PCDHGB7: variants seen among roughly 807,000 people sequenced by gnomAD.
PCDHGB7 encodes the protein protocadherin gamma subfamily B, 7.
Under a neutral mutation model 61.4 loss-of-function variants are expected in PCDHGB7, and 37 were observed. The ratio of observed to expected loss-of-function variants is 0.60; its 90% CI spans 0.46 to 0.79. The LOEUF (loss-of-function observed/expected upper bound fraction) is 0.79. PCDHGB7 is among the 30% of genes least tolerant of loss of function. PCDHGB7 has a pLI of 0.00. For synonymous variants in PCDHGB7, 464 were observed against 503.5 expected (o/e 0.92, Z 1.05); for missense variants, 1,166 against 1,202.5 (o/e 0.97, Z 0.45).
chr5:141,468,351 A>T (rs1030472813), intron 1 of PCDHGB7: 1 of 149,190 alleles, frequency 6.7e-6, no homozygotes, highest in East Asian at 2.0e-4. Flanking sequence ...AAAAAAAAAG[A>T]AAGAAAAAAG....
intron 1 of PCDHGB7, chr5:141,428,187 C>T: frequency 1.4e-6 from 2 of 1,439,502 alleles, no homozygotes; most frequent in Non-Finnish European, 1.9e-6. Context: ...GGACAGCCGC[C>T]GCTCTCTGCG....
chr5:141,485,314 T>G lies in PCDHGB7; in HGVS notation c.2416-9493T>G. Reference sequence around the variant, plus strand: ...CACAGGAAGGGACTTTTGTAGGGAATGTCGCTCAAGATTTCCTGCTGGATA... The same window carrying G: ...CACAGGAAGGGACTTTTGTAGGGAAGGTCGCTCAAGATTTCCTGCTGGATA... On this transcript the variant is annotated intron_variant, in intron 1 of 3. Coordinates refer to ENST00000398594, the MANE Select transcript of PCDHGB7 (RefSeq NM_018927.4). This position sits in a 1 kb window ranked among gnomAD's most constrained non-coding sequence, Gnocchi z 5.7. 1 of 1,614,150 alleles carries G rather than the reference T, an allele frequency of 6.2e-7. No individual in the cohort carries two copies. The highest frequency in any genetic ancestry group is 8.5e-7 in the Non-Finnish European group (1 of 1,180,032).
At chr5:141,480,935 C>G (rs1297213622) in intron 1 of PCDHGB7, among the ~76,000 whole-genome samples, 1 of 152,092 alleles carries the variant, frequency 6.6e-6, no homozygotes, top group Non-Finnish European at 1.5e-5. Flanking sequence ...GTCCCAGCTA[C>G]TCTAGAGGCT....
intron 2 of PCDHGB7, among the ~76,000 whole-genome samples, chr5:141,500,125 T>C (rs1367341826): frequency 2.0e-5 from 3 of 151,970 alleles, no homozygotes; most frequent in African/African-American, 4.8e-5. Flanking sequence ...CCTTTTCATA[T>C]ATATCTTTCT....
intron 1 of PCDHGB7, among the ~76,000 whole-genome samples, chr5:141,466,387 A>G (rs1312030857): frequency 1.3e-5 from 2 of 152,108 alleles, no homozygotes; most frequent in Non-Finnish European, 2.9e-5. Flanking sequence ...CATCTAATGG[A>G]AAGTTTGCTC....
rs2099706000 is a variant in PCDHGB7 at position 141,490,911 on chromosome 5, G to A, written c.2416-3896G>A. 1 of 1,613,722 alleles carries A rather than the reference G, an allele frequency of 6.2e-7. No individual in the cohort carries two copies. Among genetic ancestry groups the A allele is most frequent in the Non-Finnish European group, 8.5e-7 (1 of 1,179,746 alleles). Reference sequence around the variant, plus strand: ...CTCTGCATGTGTTTGTCCTAGACGAGAATGATAATGCCCCAGCTGTGCTGC... The same window carrying A: ...CTCTGCATGTGTTTGTCCTAGACGAAAATGATAATGCCCCAGCTGTGCTGC... On this transcript the variant is annotated intron_variant, in intron 1 of 3. Coordinates refer to ENST00000398594, the MANE Select transcript of PCDHGB7 (RefSeq NM_018927.4). This position sits in a 1 kb window ranked among gnomAD's most constrained non-coding sequence, Gnocchi z 5.4.
At chr5:141,441,890 T>C (rs967557692) in intron 1 of PCDHGB7, 18 of 348,170 alleles carry the variant, frequency 5.2e-5, no homozygotes, top group Non-Finnish European at 7.2e-5. Flanking sequence ...GTCACCAAGG[T>C]GGTGGCTGTA....
In PCDHGB7 at chr5:141,476,218, C is replaced by G. The variant is rs1562052166; in HGVS notation, c.2416-18589C>G. On this transcript the variant is annotated intron_variant, in intron 1 of 3. Transcript: ENST00000398594. The surrounding 1 kb of genome is among the most constrained non-coding windows in gnomAD (Gnocchi z 7.6). ...TGAACAAGGCTTCCACGGTCATTCA[C>G]TATGAGATCCCGGAGGAAAGAGAGA... is the stretch of plus-strand genomic sequence containing the variant. 1 of 1,613,984 alleles carries G rather than the reference C, an allele frequency of 6.2e-7. No homozygotes were observed.
At chr5:141,480,398 G>C (rs2099518275) in intron 1 of PCDHGB7, among the ~76,000 whole-genome samples, 1 of 149,050 alleles carries the variant, frequency 6.7e-6, no homozygotes, top group Non-Finnish European at 1.5e-5. Context: ...CATGGCAATA[G>C]AGTGAGACCC....
At chr5:141,488,273 C>A (rs1411817846) in intron 1 of PCDHGB7, among the ~76,000 whole-genome samples, 6 of 152,256 alleles carry the variant, frequency 3.9e-5, no homozygotes, top group East Asian at 1.9e-4. Flanking sequence ...TTGGTCATCA[C>A]CTTTGGAAAA....
In PCDHGB7 at chr5:141,420,222, TG is replaced by T; in HGVS notation, c.2365del (p.Ala789LeufsTer4). On this transcript the variant is annotated frameshift_variant, in exon 1 of 4. Transcript: ENST00000398594. LOFTEE classifies it high-confidence loss of function. ...AACCTCAACAAAGATAGCATGCTAC[TG>T]GCTAGCATTTTAACTCCCAGCGTTG... The part of the protein sequence containing the change: ...QDNLNKDSML[L>X]ASILTPSVEA... 1 of 1,604,490 alleles carries T rather than the reference TG, an allele frequency of 6.2e-7. No homozygotes were observed. The highest frequency in any genetic ancestry group is 2.2e-5 in the East Asian group (1 of 44,792).
intron 1 of PCDHGB7, chr5:141,423,343 C>T: frequency 6.2e-7 from 1 of 1,614,208 alleles, no homozygotes; most frequent in South Asian, 1.1e-5. Flanking sequence ...CTGCATCTTC[C>T]TGGTCTTTGT....
In PCDHGB7 at chr5:141,432,808, C is replaced by G. The variant is rs1473886709; in HGVS notation, c.2415+12534C>G. ...TCGGCAGCCTCGAGTCTCCAGCTAA[C>G]TCTGAAACCTCAGACCTCACTCTGT... is the stretch of plus-strand genomic sequence containing the variant. On this transcript the variant is annotated intron_variant, in intron 1 of 3. Coordinates refer to ENST00000398594, the MANE Select transcript of PCDHGB7 (RefSeq NM_018927.4). This position sits in a 1 kb window ranked among gnomAD's most constrained non-coding sequence, Gnocchi z 6.0. 2 of 1,613,486 alleles carry G rather than the reference C, an allele frequency of 1.2e-6. No individual in the cohort carries two copies. Among genetic ancestry groups the G allele is most frequent in the Non-Finnish European group, 1.7e-6 (2 of 1,180,008 alleles).
intron 1 of PCDHGB7, among the ~76,000 whole-genome samples, chr5:141,470,537 A>G (rs189730495): frequency 1.3e-5 from 2 of 152,256 alleles, no homozygotes; most frequent in Non-Finnish European, 2.9e-5. Context: ...TGTATCAGGT[A>G]ATATTTATTG....
intron 1 of PCDHGB7, among the ~76,000 whole-genome samples, chr5:141,430,366 A>G (rs551419486): frequency 3.3e-5 from 5 of 150,370 alleles, no homozygotes; most frequent in Admixed American, 6.7e-5. Context: ...CTCATTGGGG[A>G]AAAAAAAGCT....
At chr5:141,435,644 T>A (rs913195454) in intron 1 of PCDHGB7, among the ~76,000 whole-genome samples, 1 of 152,170 alleles carries the variant, frequency 6.6e-6, no homozygotes, top group Non-Finnish European at 1.5e-5. Flanking sequence ...TGGGAAAATT[T>A]CTGAAACGTG....
Position 141,511,502 on chromosome 5 carries a change from A to C in PCDHGB7, c.*329A>C. The C allele has an allele frequency of 2.0e-5, 8 of 395,260 alleles. No individual in the cohort carries two copies. The highest frequency in any genetic ancestry group is 4.1e-5 in the African/African-American group (2 of 48,892). The allele number at this position is 395,260 out of a possible 1,614,324, so 24.5% of individuals were successfully genotyped here. A position where few individuals can be genotyped will look rare whatever the true frequency, so the allele number is the denominator to read the frequency against. ...CTGAACTCCTCCATCTTCCAAATCA[A>C]TCAGGCCCATCCATCCCATGCCTCC... On this transcript the variant is annotated 3_prime_UTR_variant, in exon 4 of 4. Transcript: ENST00000398594.
At chr5:141,478,133 G>T (rs769287158) in intron 1 of PCDHGB7, 1 of 1,614,060 alleles carries the variant, frequency 6.2e-7, no homozygotes, top group Non-Finnish European at 8.5e-7. Flanking sequence ...CTCTCCTGAA[G>T]CCCGAGCCGA....
At chr5:141,473,884 G>T (rs1162382168) in intron 1 of PCDHGB7, among the ~76,000 whole-genome samples, 1 of 152,162 alleles carries the variant, frequency 6.6e-6, no homozygotes, top group African/African-American at 2.4e-5. Context: ...ATACACAAGG[G>T]TTCTGTTGGT....
Sources: gnomAD v4.1 joint callset for allele counts (sites outside exome capture counted in the v4.1 genomes callset) on GRCh38, gnomAD v4.1.1 for gene constraint, Gnocchi (gnomAD v3.1) non-coding constraint, MANE v1.5 for transcripts, NCBI Gene and HGNC (gene_info 2026-07-23, HGNC 2026-07-21) for gene names.